EEF2K: variants seen among roughly 807,000 people sequenced by gnomAD.
The protein encoded by EEF2K is alternative protein EEF2K.
Under a neutral mutation model 93.8 loss-of-function variants are expected in EEF2K, and 70 were observed. The ratio of observed to expected loss-of-function variants is 0.75; its 90% confidence interval spans 0.62 to 0.91. EEF2K has a LOEUF of 0.91. Among genes scored for constraint, EEF2K ranks in the 40% least tolerant of loss-of-function variants. The pLI, the probability that EEF2K is intolerant of heterozygous loss-of-function variation, is 0.00. For missense variants in EEF2K, 935 were observed against 972.9 expected, an observed-to-expected ratio of 0.96 and a Z score of 0.52; for synonymous variants, 376 against 380.8, an observed-to-expected ratio of 0.99 and a Z score of 0.15.
At chr16:22,275,705 A>G (rs1567290310) in intron 16 of EEF2K, among the ~76,000 whole-genome samples, 2 of 150,686 alleles carry the variant, frequency 1.3e-5, no homozygotes, top group South Asian at 2.1e-4. Flanking sequence ...CAATGGCGCG[A>G]TCTCGGCTCA....
intron 2 of EEF2K, among the ~76,000 whole-genome samples, chr16:22,240,910 C>G (rs2141662506): frequency 6.6e-6 from 1 of 152,222 alleles, no homozygotes; most frequent in Middle Eastern, 3.4e-3. Context: ...GCTGGGATTA[C>G]AGGCTCGTGC....
At chr16:22,283,726 T>C (rs1466283662) in intron 17 of EEF2K, among the ~76,000 whole-genome samples, 161 bp from the exon 18 acceptor site, 2 of 152,044 alleles carry the variant, frequency 1.3e-5, no homozygotes, top group Non-Finnish European at 2.9e-5. Context: ...GGCCCACCTT[T>C]AGAGCCCCGC....
intron 2 of EEF2K, among the ~76,000 whole-genome samples, chr16:22,239,500 G>A (rs1188849337): frequency 6.6e-6 from 1 of 152,182 alleles, no homozygotes; most frequent in Non-Finnish European, 1.5e-5. Context: ...AATATGAGCT[G>A]AGACTGGTGC....
intron 15 of EEF2K, 145 bp downstream of exon 15, chr16:22,267,021 G>A: frequency 9.7e-7 from 1 of 1,032,686 alleles, no homozygotes; most frequent in Non-Finnish European, 1.4e-6. Context: ...CCAGGCACTG[G>A]TTTGGGGGCA....
rs76111143 is a variant in EEF2K at position 22,245,780 on chromosome 16, G to A, written c.347+1050G>A. 1.9e-3 allele frequency among the ~76,000 whole-genome samples: 287 copies of A among 152,208 alleles called. 3 individuals carry two copies. In the East Asian group the frequency reaches 0.048, roughly 25 times the overall value. On this transcript the variant is annotated intron_variant, in intron 3 of 17. Transcript: ENST00000263026. ...CTGCCTTAGGTATGCACCTATCTGT[G>A]ACAAAAACAAACTTAATTTAACCTA... is the stretch of plus-strand genomic sequence containing the variant.
intron 6 of EEF2K, among the ~76,000 whole-genome samples, chr16:22,252,355 C>G (rs1363006587): frequency 6.6e-6 from 1 of 152,190 alleles, no homozygotes; most frequent in African/African-American, 2.4e-5. Flanking sequence ...GCGTCATTCT[C>G]AGGCAGCCTC....
chr16:22,222,862 G>A (rs2047027911), intron 1 of EEF2K, among the ~76,000 whole-genome samples: 1 of 145,372 alleles, frequency 6.9e-6, no homozygotes, highest in Admixed American at 6.8e-5. Flanking sequence ...CAGCCTGGGT[G>A]ACAGGGTGAG....
chr16:22,258,902 A>C, intron 10 of EEF2K: 2 of 573,190 alleles, frequency 3.5e-6, no homozygotes, highest in Non-Finnish European at 5.8e-6. Context: ...TAGGAAACAA[A>C]GTAACTTTTA....
chr16:22,269,791 C>T (rs541987347), intron 15 of EEF2K, among the ~76,000 whole-genome samples: 93 of 152,232 alleles, frequency 6.1e-4, no homozygotes, highest in African/African-American at 2.1e-3. Context: ...TTGTTCGGCC[C>T]AGTACACGGT....
intron 2 of EEF2K, among the ~76,000 whole-genome samples, chr16:22,236,171 G>A (rs890552803): frequency 3.9e-5 from 6 of 152,016 alleles, no homozygotes; most frequent in Admixed American, 2.0e-4. Context: ...AAGTGCATGT[G>A]GCATAGATTG....
intron 2 of EEF2K, among the ~76,000 whole-genome samples, chr16:22,228,287 C>T (rs2047083434): frequency 6.6e-6 from 1 of 151,984 alleles, no homozygotes. Context: ...AAAACCTTTC[C>T]ACAAATTAAT....
At chr16:22,209,122 A>G (rs2046891780) in intron 1 of EEF2K, among the ~76,000 whole-genome samples, 1 of 152,112 alleles carries the variant, frequency 6.6e-6, no homozygotes, top group Non-Finnish European at 1.5e-5. Flanking sequence ...TCTGCCTCCC[A>G]GATTCAAGTG....
chr16:22,264,868 C>T lies in EEF2K; in HGVS notation c.1428C>T (p.Gly476=). 1 of 1,614,060 alleles carries T rather than the reference C, an allele frequency of 6.2e-7. No individual in the cohort carries two copies. The highest frequency in any genetic ancestry group is 1.1e-5 in the South Asian group (1 of 91,084). The change falls in exon 13 of 18, where the codon GGC becomes GGT. Residue 476 remains glycine, a synonymous_variant. Coordinates refer to ENST00000263026, the MANE Select transcript of EEF2K (RefSeq NM_013302.5). The stretch of plus-strand genomic sequence containing the variant: ...ACGAGTCTGACGAAGACAGCCTGGG[C>T]AGCTCTGGACGGGTAATGCGCCCTG... ...RKYESDEDSL[G]SSGRVCVEKW...
At chr16:22,238,305 G>GA (rs1209098068) in intron 2 of EEF2K, among the ~76,000 whole-genome samples, 1 of 152,012 alleles carries the variant, frequency 6.6e-6, no homozygotes, top group East Asian at 1.9e-4. Context: ...TGCCCGGGGG[G>GA]AATACAAAGA....
intron 1 of EEF2K, among the ~76,000 whole-genome samples, chr16:22,216,645 A>G (rs2046960102): frequency 6.6e-6 from 1 of 152,038 alleles, no homozygotes; most frequent in African/African-American, 2.4e-5. Context: ...TGTAATCTCA[A>G]CATTTTGGGA....
chr16:22,279,040 A>C (rs1428846132), intron 16 of EEF2K, among the ~76,000 whole-genome samples: 1 of 151,872 alleles, frequency 6.6e-6, no homozygotes, highest in East Asian at 1.9e-4. Flanking sequence ...CCCCCAATCC[A>C]CTTCTCTACA....
At position 22,284,531 on chromosome 16, in the gene EEF2K, T is replaced by G. The variant is rs989910493; in HGVS notation, c.*535T>G. The G allele has an allele frequency of 4.6e-5, 7 of 152,798 alleles. No individual in the cohort carries two copies. Among genetic ancestry groups the G allele is most frequent in the African/African-American group, 1.7e-4 (7 of 41,426 alleles). 9.5% of individuals were successfully genotyped at this position (152,798 alleles called of 1,614,324 possible). A position where few individuals can be genotyped will look rare whatever the true frequency, so the allele number is the denominator to read the frequency against. On this transcript the variant is annotated 3_prime_UTR_variant, in exon 18 of 18. Transcript: ENST00000263026. ...CCTAACCTCAGGTGATCCACCTGCCTCAGCCTCCCAAAGTGCTGGGATTAC... is the reference window on the plus strand; with the variant it reads ...CCTAACCTCAGGTGATCCACCTGCCGCAGCCTCCCAAAGTGCTGGGATTAC...
At chr16:22,278,800 G>A (rs143312511) in intron 16 of EEF2K, among the ~76,000 whole-genome samples, 68 of 152,266 alleles carry the variant, frequency 4.5e-4, no homozygotes, top group Non-Finnish European at 8.5e-4. Context: ...GCGTGGGTTT[G>A]GCTGGAAACT....
intron 6 of EEF2K, among the ~76,000 whole-genome samples, chr16:22,256,286 A>G (rs1165834072): frequency 6.6e-6 from 1 of 152,046 alleles, no homozygotes; most frequent in Non-Finnish European, 1.5e-5. Context: ...TGGTAGAGAC[A>G]GGGTTTCACC....
Sources: allele counts gnomAD v4.1 joint callset (sites outside exome capture counted in the v4.1 genomes callset), GRCh38; gene constraint gnomAD v4.1.1; transcripts MANE v1.5; gene names NCBI Gene and HGNC (gene_info 2026-07-23, HGNC 2026-07-21).